PROS1: variants seen among roughly 807,000 people sequenced by gnomAD.
The protein encoded by PROS1 is vitamin K-dependent protein S.
A neutral mutation model predicts 75.9 loss-of-function variants in PROS1; 29 were observed. That is an observed-to-expected ratio of 0.38 (90% confidence interval 0.28 to 0.52). The LOEUF is 0.52. PROS1 is among the 20% of genes least tolerant of loss of function. The pLI is 0.83. For missense variants in PROS1, 680 were observed against 810.3 expected (o/e 0.84, Z 1.95); for synonymous variants, 245 against 280.6 (o/e 0.87, Z 1.27).
intron 3 of PROS1, among the ~76,000 whole-genome samples, chr3:93,911,644 T>A (rs1456901918): frequency 2.0e-5 from 3 of 152,172 alleles, no homozygotes; most frequent in Non-Finnish European, 4.4e-5. Context: ...TGGAAGTTCT[T>A]TGGCATCTCT....
At chr3:93,892,484 C>T (rs201753419) in intron 10 of PROS1, among the ~76,000 whole-genome samples, 1 of 151,242 alleles carries the variant, frequency 6.6e-6, no homozygotes, top group Non-Finnish European at 1.5e-5. Flanking sequence ...ATTAGCCGGG[C>T]ATGGTGGCGC....
chr3:93,956,028 A>C (rs1365535333), intron 1 of PROS1, among the ~76,000 whole-genome samples: 2 of 152,186 alleles, frequency 1.3e-5, no homozygotes, highest in Non-Finnish European at 2.9e-5. Context: ...CTTTAATGTA[A>C]ATAGACTGAA....
chr3:93,896,961 G>T (rs908039951), intron 8 of PROS1, among the ~76,000 whole-genome samples: 1 of 151,868 alleles, frequency 6.6e-6, no homozygotes, highest in Non-Finnish European at 1.5e-5. Context: ...TACTTCCTTT[G>T]CAAATTTTCG....
chr3:93,943,970 A>AC (rs1709337419), intron 1 of PROS1, among the ~76,000 whole-genome samples: 1 of 151,898 alleles, frequency 6.6e-6, no homozygotes, highest in African/African-American at 2.4e-5. Flanking sequence ...TCCTTCACTG[A>AC]CTCTCTTTTT....
At chr3:93,960,102 T>C (rs1709678033) in intron 1 of PROS1, among the ~76,000 whole-genome samples, 1 of 152,056 alleles carries the variant, frequency 6.6e-6, no homozygotes, top group African/African-American at 2.4e-5. Context: ...CTAACAGACA[T>C]AGTGCCGAAG....
At chr3:93,932,492 A>T (rs748481006) in intron 1 of PROS1, among the ~76,000 whole-genome samples, 126 of 152,302 alleles carry the variant, frequency 8.3e-4, no homozygotes, top group Admixed American at 1.4e-3. Context: ...TTAGGTTATA[A>T]TGTGGAGTTT....
chr3:93,924,102 T>C, intron 3 of PROS1, 138 bp downstream of exon 3: 1 of 483,638 alleles, frequency 2.1e-6, no homozygotes. Flanking sequence ...GACAGCAAAA[T>C]TGCATATAAA....
At position 93,873,876 on chromosome 3, in the gene PROS1, G is replaced by C; in HGVS notation, c.*369C>G. The C allele has an allele frequency of 4.2e-6, 1 of 235,364 alleles. No individual in the cohort carries two copies. Among genetic ancestry groups the C allele is most frequent in the Non-Finnish European group, 8.4e-6 (1 of 118,916 alleles). The allele number at this position is 235,364 out of a possible 1,614,324, so 14.6% of individuals were successfully genotyped here. A position where few individuals can be genotyped will look rare whatever the true frequency, so the allele number is the denominator to read the frequency against. On this transcript the variant is annotated 3_prime_UTR_variant, in exon 15 of 15. Transcript: ENST00000394236. ...TATGATTAATAGTATTTAATTACAC[G>C]CACTTTTGTTTGAGTTTACTTCCTT...
intron 1 of PROS1, among the ~76,000 whole-genome samples, chr3:93,950,321 T>A (rs1709475751): frequency 6.6e-6 from 1 of 152,174 alleles, no homozygotes; most frequent in Admixed American, 6.5e-5. Flanking sequence ...GTCTGACAGC[T>A]TTCAAGAGAG....
chr3:93,930,518 C>T (rs1367874938), intron 1 of PROS1, among the ~76,000 whole-genome samples: 3 of 152,122 alleles, frequency 2.0e-5, no homozygotes, highest in Admixed American at 6.6e-5. Flanking sequence ...CACTTCTTGG[C>T]ATTTTTTCCT....
rs113136788 is a variant in PROS1, at chr3:93,912,471, G to C, written c.260-1766C>G. 1.7e-3 allele frequency among the ~76,000 whole-genome samples: 254 copies of C among 152,200 alleles called. 1 individual carries two copies. The Middle Eastern group carries it at 0.02, about 12-fold the overall frequency. ...GTCTGGGGCGGGGAGGGGCAGGCAGGGTGGAGGAAGGAGGTCATTATTCAG... is the reference window on the plus strand; with the variant it reads ...GTCTGGGGCGGGGAGGGGCAGGCAGCGTGGAGGAAGGAGGTCATTATTCAG... On this transcript the variant is annotated intron_variant, in intron 3 of 14. Coordinates refer to ENST00000394236, the MANE Select transcript of PROS1 (RefSeq NM_000313.4).
chr3:93,962,183 T>A (rs8178592), intron 1 of PROS1, among the ~76,000 whole-genome samples: 12,198 of 152,024 alleles, frequency 0.08, 600 homozygotes, highest in Middle Eastern at 0.19. Flanking sequence ...CAGCTCTTAC[T>A]CACCTGAACA....
chr3:93,937,875 C>T (rs1476762352), intron 1 of PROS1, among the ~76,000 whole-genome samples: 3 of 152,162 alleles, frequency 2.0e-5, no homozygotes, highest in Non-Finnish European at 4.4e-5. Flanking sequence ...AATAAGAACA[C>T]TTTTGCCTAA....
At chr3:93,958,690 G>T (rs1382600864) in intron 1 of PROS1, 4 of 152,212 alleles carry the variant, frequency 2.6e-5, no homozygotes, top group Non-Finnish European at 4.4e-5. Context: ...TCTCATGGTG[G>T]TGAATAAGTC....
intron 1 of PROS1, among the ~76,000 whole-genome samples, chr3:93,938,428 C>T (rs190473709): frequency 2.5e-4 from 38 of 152,268 alleles, no homozygotes; most frequent in Middle Eastern, 3.4e-3. Flanking sequence ...TCTCTTCACA[C>T]GGACGCACAT....
At chr3:93,911,210 G>A in intron 3 of PROS1, 1 of 157,468 alleles carries the variant, frequency 6.4e-6, no homozygotes, top group Non-Finnish European at 1.4e-5. Context: ...TTACAAATCA[G>A]GTTTACTTCA....
intron 12 of PROS1, among the ~76,000 whole-genome samples, chr3:93,879,543 A>T (rs1708244610): frequency 6.6e-6 from 1 of 152,216 alleles, no homozygotes; most frequent in African/African-American, 2.4e-5. Flanking sequence ...CTAGAAGAGA[A>T]TTCTGGATTG....
intron 4 of PROS1, among the ~76,000 whole-genome samples, chr3:93,907,794 T>G (rs1708699493): frequency 6.6e-6 from 1 of 152,198 alleles, no homozygotes; most frequent in South Asian, 2.1e-4. Flanking sequence ...TTAGATATTT[T>G]TCCAAATATA....
At chr3:93,973,150 A>G (rs1313673759) in intron 1 of PROS1, among the ~76,000 whole-genome samples, 1 of 152,184 alleles carries the variant, frequency 6.6e-6, no homozygotes, top group Admixed American at 6.5e-5. Flanking sequence ...TTAGAAAGTG[A>G]CATATATCTA....
Sources: allele counts gnomAD v4.1 joint callset (sites outside exome capture counted in the v4.1 genomes callset), GRCh38; gene constraint gnomAD v4.1.1; transcripts MANE v1.5; gene names NCBI Gene and HGNC (gene_info 2026-07-23, HGNC 2026-07-21).